NTN1: variants seen among roughly 807,000 people sequenced by gnomAD.
NTN1 encodes netrin-1.
NTN1 carries 11 observed loss-of-function variants against 54.2 expected under a neutral mutation model. The ratio of observed to expected loss-of-function variants is 0.20; its 90% CI spans 0.13 to 0.34. The LOEUF (loss-of-function observed/expected upper bound fraction) is 0.34. Among genes scored for constraint, NTN1 ranks in the 10% least tolerant of loss-of-function variants. The pLI is 1.00. For synonymous variants in NTN1, 371 were observed against 382.0 expected (o/e 0.97, Z 0.33); for missense variants, 740 against 893.1 (o/e 0.83, Z 2.18).
chr17:9,140,057 C>T (rs1353314408), intron 2 of NTN1, among the ~76,000 whole-genome samples: 3 of 152,014 alleles, frequency 2.0e-5, no homozygotes, highest in Non-Finnish European at 2.9e-5. Context: ...ATGCTGTCCA[C>T]GATTCACTAA....
intron 3 of NTN1, among the ~76,000 whole-genome samples, chr17:9,163,347 T>C (rs2092363728): frequency 6.6e-6 from 1 of 152,046 alleles, no homozygotes; most frequent in Admixed American, 6.6e-5. Flanking sequence ...TCTGCACAGG[T>C]GTGCTGCATA....
intron 2 of NTN1, among the ~76,000 whole-genome samples, chr17:9,039,161 G>T (rs2091913456): frequency 6.6e-6 from 1 of 152,048 alleles, no homozygotes; most frequent in African/African-American, 2.4e-5. Flanking sequence ...GTATCTGGTA[G>T]GTTCAGTATT....
rs768506222 is a variant in NTN1, at chr17:9,239,810, A to C, written c.1657A>C (p.Lys553Gln). The C allele has an allele frequency of 6.2e-7, 1 of 1,613,666 alleles. No individual in the cohort carries two copies. The change falls in exon 7 of 7, where the codon AAG becomes CAG. Residue 553 changes from lysine (K) to glutamine (Q), a missense_variant. Lys to Gln is a moderately conservative substitution (Grantham distance 53, BLOSUM62 1). Coordinates refer to ENST00000173229, the MANE Select transcript of NTN1 (RefSeq NM_004822.3). This position sits in a 1 kb window ranked among gnomAD's most constrained non-coding sequence, Gnocchi z 5.2. ...ACKCPKIKPL[K>Q]KYLLLGNAED... Reference sequence around the variant, plus strand: ...CAAGTGTCCCAAAATCAAGCCCCTCAAGAAGTACCTGCTGCTGGGCAACGC... The same window carrying C: ...CAAGTGTCCCAAAATCAAGCCCCTCCAGAAGTACCTGCTGCTGGGCAACGC...
chr17:9,127,655 C>T (rs1229029644), intron 2 of NTN1, among the ~76,000 whole-genome samples: 1 of 151,906 alleles, frequency 6.6e-6, no homozygotes, highest in Non-Finnish European at 1.5e-5. Flanking sequence ...GCTGGAGAGG[C>T]AAGTGACCAG....
rs769106534 is a variant in NTN1, at chr17:9,096,271, A to G, written c.1019-66542A>G. On this transcript the variant is annotated intron_variant, in intron 2 of 6. Coordinates refer to ENST00000173229, the MANE Select transcript of NTN1 (RefSeq NM_004822.3). ...CCAGTATATTTTCCAATTGTTTGCT[A>G]TTGGTATATATGAAAGAAACTGGCT... 6.1e-5 allele frequency among the ~76,000 whole-genome samples: 9 copies of G among 147,940 alleles called. No homozygotes were observed. In the South Asian group the frequency reaches 6.7e-4, roughly 11 times the overall value.
At chr17:9,106,135 G>A (rs775856433) in intron 2 of NTN1, among the ~76,000 whole-genome samples, 10 of 152,142 alleles carry the variant, frequency 6.6e-5, no homozygotes, top group Non-Finnish European at 1.3e-4. Flanking sequence ...ACACTTCCTG[G>A]TCCAGAGATG....
At chr17:9,003,523 C>T in the NTN1 span, among the ~76,000 whole-genome samples, 1,068 of 149,382 alleles carry the variant, frequency 7.1e-3, 10 homozygotes, top group African/African-American at 0.025. This position sits in a 1 kb window ranked among gnomAD's most constrained non-coding sequence, Gnocchi z 7.4. Context: ...TCCTTTGTAG[C>T]CCGCTGGCCC....
intron 5 of NTN1, among the ~76,000 whole-genome samples, chr17:9,217,333 G>A (rs1207713730): frequency 3.3e-5 from 5 of 152,276 alleles, no homozygotes; most frequent in South Asian, 2.1e-4. Flanking sequence ...AGATCCCAGC[G>A]TTGGGTCATC....
At chr17:9,071,902 G>A (rs1484922887) in intron 2 of NTN1, among the ~76,000 whole-genome samples, 1 of 152,218 alleles carries the variant, frequency 6.6e-6, no homozygotes, top group Middle Eastern at 3.2e-3. Flanking sequence ...AGGTGATGGG[G>A]GTGTGAGAAG....
chr17:9,022,751 G>T lies in NTN1; in HGVS notation c.378G>T (p.Leu126=). Residue 126 remains leucine (L), a synonymous_variant, in exon 2 of 7, where the codon CTG becomes CTT. Transcript: ENST00000173229. ...NLTCWQSENY[L]QFPHNVTLTL... is the part of the protein sequence containing the mutation. ...CGTGCTGGCAGTCCGAGAACTACCT[G>T]CAGTTCCCGCACAACGTCACGCTCA... 1.9e-6 allele frequency: 3 copies of T among 1,609,332 alleles called. No homozygotes were observed. Among genetic ancestry groups the T allele is most frequent in the Non-Finnish European group, 2.5e-6 (3 of 1,178,526 alleles).
intron 2 of NTN1, among the ~76,000 whole-genome samples, chr17:9,034,413 CT>C (rs1324400564): frequency 1.4e-3 from 180 of 128,154 alleles, no homozygotes; most frequent in African/African-American, 4.0e-3. Context: ...GCTTGTTATT[CT>C]TTTTTTTTTT....
At chr17:9,102,332 C>CCTT (rs34851542) in intron 2 of NTN1, among the ~76,000 whole-genome samples, 80,782 of 151,936 alleles carry the variant, frequency 0.53, 22,236 homozygotes, top group East Asian at 0.95. Context: ...GCAAACATGT[C>CCTT]CTTCACATGG....
upstream of NTN1, among the ~76,000 whole-genome samples, chr17:9,019,401 G>T (rs943912251): frequency 6.6e-6 from 1 of 152,104 alleles, no homozygotes; most frequent in Non-Finnish European, 1.5e-5. Context: ...GTAATTAAGT[G>T]TTCTCTAAAT....
intron 5 of NTN1, among the ~76,000 whole-genome samples, chr17:9,188,125 T>C (rs1424645109): frequency 1.3e-5 from 2 of 152,200 alleles, no homozygotes; most frequent in African/African-American, 2.4e-5. Context: ...CATTGAATTG[T>C]ACACTTAAAA....
At chr17:9,022,066 G>A (rs1218648375) in intron 1 of NTN1, among the ~76,000 whole-genome samples, 3 of 152,114 alleles carry the variant, frequency 2.0e-5, no homozygotes, top group Non-Finnish European at 4.4e-5. Flanking sequence ...CGGGCGGCGT[G>A]GGGGCGGCGG....
chr17:9,036,810 C>T (rs1448949970), intron 2 of NTN1, among the ~76,000 whole-genome samples: 1 of 152,188 alleles, frequency 6.6e-6, no homozygotes, highest in Non-Finnish European at 1.5e-5. Flanking sequence ...AGCTCTATAA[C>T]TTGAATGATA....
chr17:9,199,305 G>A (rs755595536), intron 5 of NTN1, among the ~76,000 whole-genome samples: 7 of 152,176 alleles, frequency 4.6e-5, no homozygotes, highest in African/African-American at 9.7e-5. Flanking sequence ...ACCACGCCCA[G>A]CTAATTTTGT....
At chr17:9,140,349 G>A (rs187929837) in intron 2 of NTN1, among the ~76,000 whole-genome samples, 13 of 152,278 alleles carry the variant, frequency 8.5e-5, no homozygotes, top group Admixed American at 6.5e-4. Flanking sequence ...GTGGCAGAAC[G>A]GGTGCTTTGC....
Position 9,022,444 on chromosome 17 carries a change from G to A in NTN1, c.71G>A (p.Gly24Asp). Residue 24 changes from glycine to aspartate, a missense_variant, in exon 2 of 7, where the codon GGC becomes GAC. Physicochemically the swap from Gly to Asp is moderately conservative, Grantham distance 94. Coordinates refer to ENST00000173229, the MANE Select transcript of NTN1 (RefSeq NM_004822.3). ...AVACLVGAVR[G>D]GPGLSMFAGQ... The stretch of plus-strand genomic sequence containing the variant: ...GCGTGCCTGGTGGGCGCGGTGCGCG[G>A]CGGGCCCGGGCTCAGCATGTTCGCG... The A allele has an allele frequency of 1.4e-6, 2 of 1,401,246 alleles. No homozygotes were observed. The highest frequency in any genetic ancestry group is 1.5e-5 in the African/African-American group (1 of 66,108). 86.8% of individuals were successfully genotyped at this position (1,401,246 alleles called of 1,614,324 possible).
Sources: gnomAD v4.1 joint callset for allele counts (sites outside exome capture counted in the v4.1 genomes callset) on GRCh38, gnomAD v4.1.1 for gene constraint, Gnocchi (gnomAD v3.1) non-coding constraint, MANE v1.5 for transcripts, NCBI Gene and HGNC (gene_info 2026-07-23, HGNC 2026-07-21) for gene names.